The following TBCK variants were observed in gnomAD, a reference collection of about 807,000 sequenced individuals.
TBCK encodes the protein TBC1 domain containing kinase, also known as TBC domain-containing protein kinase-like protein.
In TBCK, 99 loss-of-function variants were observed where a neutral mutation model predicts 113.4. That is an observed-to-expected ratio of 0.87 (90% CI 0.74 to 1.03). The LOEUF is 1.03. Ranked by LOEUF, TBCK falls within the 50% of genes least tolerant of loss-of-function variation. The pLI is 0.00. For missense variants in TBCK, 1,045 were observed against 1,061.3 expected (o/e 0.98, Z 0.21); for synonymous variants, 369 against 370.8 (o/e 1.00, Z 0.05).
chr4:106,073,159 CTT>C (rs1737694478), intron 25 of TBCK, among the ~76,000 whole-genome samples: 1 of 152,180 alleles, frequency 6.6e-6, no homozygotes, highest in Non-Finnish European at 1.5e-5. Flanking sequence ...AAGCTGTAAT[CTT>C]TTGCAGGAGG....
At chr4:106,116,092 G>A in intron 24 of TBCK, 111 bp downstream of exon 24, 1 of 1,013,748 alleles carries the variant, frequency 9.9e-7, no homozygotes, top group Non-Finnish European at 1.4e-6. Context: ...TTAACTACTT[G>A]AATTCAGAAG....
At chr4:106,071,297 G>A (rs1012318578) in intron 25 of TBCK, among the ~76,000 whole-genome samples, 4 of 152,092 alleles carry the variant, frequency 2.6e-5, no homozygotes, top group Non-Finnish European at 5.9e-5. Flanking sequence ...GGTATGTTGC[G>A]TCTTTGTTCT....
At chr4:106,258,275 T>C (rs1762191909) in intron 5 of TBCK, among the ~76,000 whole-genome samples, 1 of 152,076 alleles carries the variant, frequency 6.6e-6, no homozygotes, top group Non-Finnish European at 1.5e-5. Flanking sequence ...TAATAAGGTA[T>C]TAAGCTACTG....
chr4:106,204,706 G>C (rs1755249982), intron 20 of TBCK, among the ~76,000 whole-genome samples: 1 of 149,886 alleles, frequency 6.7e-6, no homozygotes, highest in Admixed American at 6.6e-5. Flanking sequence ...GATGGTTTCT[G>C]CAAGAAATAC....
chr4:106,083,004 C>A (rs953401886), intron 25 of TBCK, among the ~76,000 whole-genome samples: 1 of 152,234 alleles, frequency 6.6e-6, no homozygotes, highest in African/African-American at 2.4e-5. Flanking sequence ...GGCCTAGCGT[C>A]CCAACCCTAG....
At chr4:106,051,171 G>C (rs1734762559) in intron 25 of TBCK, among the ~76,000 whole-genome samples, 1 of 151,868 alleles carries the variant, frequency 6.6e-6, no homozygotes, top group Non-Finnish European at 1.5e-5. Flanking sequence ...GGATTCATGA[G>C]GTATGTAGAA....
At chr4:106,118,351 C>T (rs1046301251) in intron 23 of TBCK, among the ~76,000 whole-genome samples, 2 of 152,180 alleles carry the variant, frequency 1.3e-5, no homozygotes, top group Non-Finnish European at 2.9e-5. Flanking sequence ...CACTTGTTCT[C>T]TTACTTCATT....
intron 20 of TBCK, among the ~76,000 whole-genome samples, chr4:106,212,519 T>C (rs1756269596): frequency 1.3e-5 from 2 of 152,170 alleles, no homozygotes; most frequent in South Asian, 4.1e-4. Flanking sequence ...CTATCACTAA[T>C]GATTTTCTCA....
intron 5 of TBCK, 58 bp from the exon 6 acceptor site, chr4:106,252,065 T>C (rs1761499233): frequency 7.2e-7 from 1 of 1,397,416 alleles, no homozygotes; most frequent in South Asian, 1.4e-5. Flanking sequence ...CGATAGTACA[T>C]TTTTACAATC....
At chr4:106,228,395 C>G (rs1381643607) in intron 19 of TBCK, among the ~76,000 whole-genome samples, 2 of 151,390 alleles carry the variant, frequency 1.3e-5, no homozygotes, top group South Asian at 4.2e-4. Flanking sequence ...CTACCCTCCA[C>G]TACCCTTCCC....
intron 23 of TBCK, among the ~76,000 whole-genome samples, chr4:106,137,963 G>A (rs1223913212): frequency 7.1e-6 from 1 of 141,118 alleles, no homozygotes; most frequent in Non-Finnish European, 1.6e-5. Flanking sequence ...GGCAGGAGTA[G>A]ACAGTATTTG....
intron 24 of TBCK, among the ~76,000 whole-genome samples, chr4:106,113,360 C>T (rs1743083814): frequency 6.6e-6 from 1 of 152,172 alleles, no homozygotes; most frequent in South Asian, 2.1e-4. Context: ...TAGCACAAGC[C>T]TTATTTACCC....
At chr4:106,295,710 T>C (rs28440815) in intron 2 of TBCK, among the ~76,000 whole-genome samples, 174 of 152,300 alleles carry the variant, frequency 1.1e-3, no homozygotes, top group African/African-American at 4.0e-3. Flanking sequence ...ACCCCCTAAA[T>C]GGTCAAAAAT....
At chr4:106,066,016 C>A (rs912508991) in intron 25 of TBCK, among the ~76,000 whole-genome samples, 1 of 151,880 alleles carries the variant, frequency 6.6e-6, no homozygotes, top group East Asian at 1.9e-4. Context: ...TGTAAAGAAA[C>A]CATCTTATAG....
intron 19 of TBCK, among the ~76,000 whole-genome samples, chr4:106,223,560 T>A (rs1410182982): frequency 6.6e-6 from 1 of 152,110 alleles, no homozygotes; most frequent in Admixed American, 6.5e-5. Context: ...GACATCACAG[T>A]GAAGAACATA....
intron 23 of TBCK, among the ~76,000 whole-genome samples, chr4:106,132,093 G>C (rs774614246): frequency 5.3e-4 from 80 of 152,190 alleles, no homozygotes; most frequent in Non-Finnish European, 1.0e-3. Context: ...CAATTTTCTG[G>C]GAAGAAATTC....
chr4:106,200,422 C>T (rs1300449130), intron 20 of TBCK, among the ~76,000 whole-genome samples: 1 of 152,094 alleles, frequency 6.6e-6, no homozygotes, highest in Non-Finnish European at 1.5e-5. Context: ...TGCCTGTGGT[C>T]CCAGCTACTT....
At chr4:106,105,907 C>T (rs753279959) in intron 24 of TBCK, among the ~76,000 whole-genome samples, 4 of 152,014 alleles carry the variant, frequency 2.6e-5, no homozygotes, top group East Asian at 3.9e-4. Context: ...TTAATCATGC[C>T]GAACTGGCTG....
intron 12 of TBCK, among the ~76,000 whole-genome samples, chr4:106,239,708 T>C (rs1673955737): frequency 6.6e-6 from 1 of 151,698 alleles, no homozygotes; most frequent in Non-Finnish European, 1.5e-5. Context: ...CTGAGTAAAC[T>C]TATAACCATT....
Sources: allele counts gnomAD v4.1 joint callset (sites outside exome capture counted in the v4.1 genomes callset), GRCh38; gene constraint gnomAD v4.1.1; transcripts MANE v1.5; gene names NCBI Gene and HGNC (gene_info 2026-07-23, HGNC 2026-07-21).